MYO3B: variants seen among roughly 807,000 people sequenced by gnomAD.
MYO3B encodes myosin-IIIb.
A neutral mutation model predicts 174.6 loss-of-function variants in MYO3B; 156 were observed. The observed-to-expected ratio is 0.89, with a 90% CI of 0.78 to 1.02. The LOEUF is 1.02. MYO3B is among the 50% of genes least tolerant of loss of function. MYO3B has a pLI of 0.00. For missense variants in MYO3B, 1,632 were observed against 1,639.4 expected (o/e 1.00, Z 0.08); for synonymous variants, 563 against 569.1 (o/e 0.99, Z 0.15).
intron 7 of MYO3B, among the ~76,000 whole-genome samples, chr2:170,253,579 C>T (rs947065226): frequency 6.6e-6 from 1 of 151,994 alleles, no homozygotes; most frequent in Non-Finnish European, 1.5e-5. Flanking sequence ...AATTTAATGT[C>T]ATGGGATGAG....
At chr2:170,620,074 T>C (rs1368057813) in intron 32 of MYO3B, among the ~76,000 whole-genome samples, 1 of 152,158 alleles carries the variant, frequency 6.6e-6, no homozygotes, top group Non-Finnish European at 1.5e-5. Context: ...CCTTAGAGGC[T>C]GTCCACCATA....
intron 30 of MYO3B, among the ~76,000 whole-genome samples, chr2:170,529,364 A>T (rs202045243): frequency 0.016 from 2,320 of 146,122 alleles, 46 homozygotes; most frequent in East Asian, 0.05. Context: ...ATAAAAGTTA[A>T]AAAAAAAAAA....
intron 22 of MYO3B, among the ~76,000 whole-genome samples, chr2:170,430,357 T>A (rs970033657): frequency 1.3e-4 from 19 of 147,002 alleles, no homozygotes; most frequent in Admixed American, 6.3e-4. Context: ...TCCATAAAAA[T>A]TTTTTTTTCT....
At chr2:170,289,701 A>G (rs2093583112) in intron 7 of MYO3B, among the ~76,000 whole-genome samples, 2 of 151,040 alleles carry the variant, frequency 1.3e-5, no homozygotes, top group African/African-American at 2.4e-5. Context: ...AATTTCATTT[A>G]TTTTTGCTCT....
intron 7 of MYO3B, among the ~76,000 whole-genome samples, chr2:170,307,488 G>A (rs565994037): frequency 2.6e-5 from 4 of 152,304 alleles, no homozygotes; most frequent in African/African-American, 9.6e-5. Context: ...AATAGAGAAT[G>A]TATTGCATAT....
intron 32 of MYO3B, among the ~76,000 whole-genome samples, chr2:170,582,927 ATATAAAAGCAGTAGCTTGGC>A (rs1457963765): frequency 3.9e-4 from 59 of 152,160 alleles, no homozygotes; most frequent in African/African-American, 1.2e-3. Flanking sequence ...ACTTCAAAGG[ATATAAAAGCAGTAGCTTGGC>A]TAGGAGACAC....
Position 170,602,155 on chromosome 2 carries a change from T to G in MYO3B, c.3734-49473T>G. The G allele has an allele frequency of 2.4e-6, 3 of 1,228,234 alleles. No homozygotes were observed. The Admixed American group carries it at 5.0e-5, about 21-fold the overall frequency. The allele number at this position is 1,228,234 out of a possible 1,614,324, so 76.1% of individuals were successfully genotyped here. On this transcript the variant is annotated intron_variant, in intron 32 of 34. Coordinates refer to ENST00000408978, the MANE Select transcript of MYO3B (RefSeq NM_138995.5). ...ATCTGGGTGCTTCTTCTTACACTCC[T>G]CCCGACAAGTTTGCACAAAAAATGC... is the stretch of plus-strand genomic sequence containing the variant.
At chr2:170,476,359 G>T (rs772659748) in intron 25 of MYO3B, among the ~76,000 whole-genome samples, 1 of 152,212 alleles carries the variant, frequency 6.6e-6, no homozygotes, top group Non-Finnish European at 1.5e-5. Flanking sequence ...AAGGGTAGTG[G>T]GCCAGTGTGA....
intron 12 of MYO3B, among the ~76,000 whole-genome samples, chr2:170,384,805 T>A (rs2094361572): frequency 6.6e-6 from 1 of 152,202 alleles, no homozygotes; most frequent in African/African-American, 2.4e-5. Context: ...CAACACCAAC[T>A]GGGTGCCCAA....
chr2:170,388,401 G>T (rs996030998), intron 14 of MYO3B, among the ~76,000 whole-genome samples: 1 of 152,098 alleles, frequency 6.6e-6, no homozygotes, highest in African/African-American at 2.4e-5. Flanking sequence ...AGAAAGAGGG[G>T]CTCCCTGTAT....
rs193049120 is a variant in MYO3B at position 170,643,378 on chromosome 2, G to A, written c.3734-8250G>A. On this transcript the variant is annotated intron_variant, in intron 32 of 34. Coordinates refer to ENST00000408978, the MANE Select transcript of MYO3B (RefSeq NM_138995.5). ...GGGAGTATCCACTGGAGTACCATGT[G>A]CATGGTCAACCCTCATTGAGAAGAA... is the stretch of plus-strand genomic sequence containing the variant. 4.2e-3 allele frequency among the ~76,000 whole-genome samples: 646 copies of A among 152,276 alleles called. 8 individuals are homozygous for A. The highest frequency in any genetic ancestry group is 0.015 in the African/African-American group (618 of 41,552).
intron 8 of MYO3B, chr2:170,340,449 AT>A (rs975955450): frequency 3.9e-5 from 6 of 152,224 alleles, no homozygotes; most frequent in African/African-American, 1.4e-4. Flanking sequence ...AGAAAAAGTA[AT>A]ATCTTTTCAT....
intron 1 of MYO3B, among the ~76,000 whole-genome samples, chr2:170,186,652 G>A (rs1559283282): frequency 6.6e-6 from 1 of 152,238 alleles, no homozygotes; most frequent in Middle Eastern, 3.4e-3. Flanking sequence ...GAGTTTGAAA[G>A]TATTCCCTCC....
intron 8 of MYO3B, among the ~76,000 whole-genome samples, chr2:170,347,627 G>T (rs921603115): frequency 1.3e-5 from 2 of 151,988 alleles, no homozygotes; most frequent in African/African-American, 2.4e-5. Flanking sequence ...AATAAATCAA[G>T]TGATGGACTT....
Position 170,199,383 on chromosome 2 carries a change from C to T in MYO3B, c.178C>T (p.Pro60Ser), listed in dbSNP as rs369752113. 8.7e-6 allele frequency: 14 copies of T among 1,608,624 alleles called. No individual in the cohort carries two copies. In the African/African-American group the frequency reaches 1.7e-4, roughly 20 times the overall value. Reference sequence around the variant, plus strand: ...CCTGGCTGCAGTGAAAATTCTGGATCCAGTCAGTGTAAGTAACAGTTGTAA... The same window carrying T: ...CCTGGCTGCAGTGAAAATTCTGGATTCAGTCAGTGTAAGTAACAGTTGTAA... ...GSLAAVKILD[P>S]VSDMDEEIEA... is the part of the protein sequence containing the mutation. The change falls in exon 2 of 35, where the codon CCA becomes TCA. Residue 60 changes from proline to serine, a missense_variant. Coordinates refer to ENST00000408978, the MANE Select transcript of MYO3B (RefSeq NM_138995.5).
At chr2:170,238,364 T>TTC (rs375371893) in intron 7 of MYO3B, among the ~76,000 whole-genome samples, 14 of 150,422 alleles carry the variant, frequency 9.3e-5, no homozygotes, top group Non-Finnish European at 1.9e-4. Flanking sequence ...CTGTCTCTCT[T>TTC]TCTCTCTCTC....
At chr2:170,432,796 C>T (rs1219095442) in intron 22 of MYO3B, among the ~76,000 whole-genome samples, 4 of 151,556 alleles carry the variant, frequency 2.6e-5, no homozygotes, top group South Asian at 4.2e-4. Flanking sequence ...AGGATGGTCT[C>T]GATCTCCTGA....
chr2:170,410,762 G>A (rs1257446017), intron 22 of MYO3B, among the ~76,000 whole-genome samples: 2 of 152,230 alleles, frequency 1.3e-5, no homozygotes, highest in East Asian at 3.9e-4. Flanking sequence ...GTGGTTACAT[G>A]TATGCTTGCA....
chr2:170,387,355 T>C, intron 14 of MYO3B, 47 bp downstream of exon 14: 7 of 1,547,796 alleles, frequency 4.5e-6, no homozygotes, highest in Non-Finnish European at 6.2e-6. Context: ...CAGTAAAAAC[T>C]GGGAGACTTT....
Sources: gnomAD v4.1 joint callset for allele counts (sites outside exome capture counted in the v4.1 genomes callset) on GRCh38, gnomAD v4.1.1 for gene constraint, MANE v1.5 for transcripts, NCBI Gene and HGNC (gene_info 2026-07-23, HGNC 2026-07-21) for gene names.